Variants in ATXN10 observed in about 807,000 individuals in gnomAD.
ATXN10 encodes the protein ataxin-10.
In ATXN10, 28 loss-of-function variants were observed where a neutral mutation model predicts 52.9. The observed-to-expected ratio is 0.53, with a 90% CI of 0.39 to 0.73. The LOEUF is 0.73. Among genes scored for constraint, ATXN10 ranks in the 30% least tolerant of loss-of-function variants. The pLI is 0.00. For missense variants in ATXN10, 565 were observed against 577.0 expected (o/e 0.98, Z 0.21); for synonymous variants, 226 against 221.5 (o/e 1.02, Z -0.18).
chr22:45,793,090 CA>C, intron 9 of ATXN10: 1 of 229,696 alleles, frequency 4.4e-6, no homozygotes, highest in Non-Finnish European at 9.2e-6. Context: ...AGTTCTCCCA[CA>C]AAACCTGACA....
At chr22:45,806,932 GT>G (rs1569072805) in intron 9 of ATXN10, 26 bp from the exon 10 acceptor site, 2 of 1,583,574 alleles carry the variant, frequency 1.3e-6, no homozygotes, top group Non-Finnish European at 1.7e-6. Flanking sequence ...TGTTTTCAGT[GT>G]ATAAACTTAT....
At position 45,774,372 on chromosome 22, in the gene ATXN10, A is replaced by G. The variant is rs906868428; in HGVS notation, c.1174-32587A>G. Among the ~76,000 whole-genome samples, 1 of 152,254 alleles carries G rather than the reference A, an allele frequency of 6.6e-6. No homozygotes were observed. Among genetic ancestry groups the G allele is most frequent in the Non-Finnish European group, 1.5e-5 (1 of 68,048 alleles). ...TATTTTGGAGTGAGACAGATAATGC[A>G]GACACAGTGTGCGAGCAAGCAGTCC... On this transcript the variant is annotated intron_variant, in intron 9 of 11. Transcript: ENST00000252934. The surrounding 1 kb of genome is among the most constrained non-coding windows in gnomAD (Gnocchi z 6.2).
chr22:45,800,988 C>T (rs144437577), intron 9 of ATXN10, among the ~76,000 whole-genome samples: 1 of 152,180 alleles, frequency 6.6e-6, no homozygotes, highest in African/African-American at 2.4e-5. Flanking sequence ...TGTGCAGATG[C>T]ACTTGGCAGT....
rs1926577612 is a variant in ATXN10, at chr22:45,766,217, ACTG to A, written c.1173+25680_1173+25682del. Among the ~76,000 whole-genome samples the A allele has an allele frequency of 6.6e-6, 1 of 152,208 alleles. No individual in the cohort carries two copies. The highest frequency in any genetic ancestry group is 2.4e-5 in the African/African-American group (1 of 41,446). On this transcript the variant is annotated intron_variant, in intron 9 of 11. Transcript: ENST00000252934. This position sits in a 1 kb window ranked among gnomAD's most constrained non-coding sequence, Gnocchi z 4.6. The stretch of plus-strand genomic sequence containing the variant: ...CCCAATCCCTGGTCCGTGGACTGGT[ACTG>A]GTCCATGGCCTGTTAGGAACCAGGC...
In ATXN10 at chr22:45,835,919, CTTTTA is replaced by C. The variant is rs1929152336; in HGVS notation, c.1238-7067_1238-7063del. Among the ~76,000 whole-genome samples the C allele has an allele frequency of 6.6e-6, 1 of 152,086 alleles. No homozygotes were observed. The highest frequency in any genetic ancestry group is 2.1e-4 in the South Asian group (1 of 4,822). On this transcript the variant is annotated intron_variant, in intron 10 of 11. Transcript: ENST00000252934. This position sits in a 1 kb window ranked among gnomAD's most constrained non-coding sequence, Gnocchi z 5.0. ...AGGGTATACATACTCATGATTTTAGCTTTTATTTTTAAATGCTATTAAGGCATAAC... is the reference window on the plus strand; with the variant it reads ...AGGGTATACATACTCATGATTTTAGCTTTTTAAATGCTATTAAGGCATAAC...
chr22:45,700,307 A>G lies in ATXN10; in HGVS notation c.417A>G (p.Leu139=). The change falls in exon 4 of 12, where the codon TTA becomes TTG. Residue 139 remains leucine (L), a synonymous_variant. Transcript: ENST00000252934. ...LTAFRCGLQF[L]GNIASRNEDS... is the part of the protein sequence containing the mutation. ...CTTTTCGCTGTGGCCTGCAGTTTTT[A>G]GGCAACATTGCCTCACGGAATGAAG... 1 of 1,613,992 alleles carries G rather than the reference A, an allele frequency of 6.2e-7. No individual in the cohort carries two copies. The highest frequency in any genetic ancestry group is 8.5e-7 in the Non-Finnish European group (1 of 1,179,908).
In ATXN10 at chr22:45,843,547, T is replaced by C. The variant is rs572717449; in HGVS notation, c.1426-122T>C. The C allele has an allele frequency of 1.3e-5, 11 of 864,202 alleles. No individual in the cohort carries two copies. Among genetic ancestry groups the C allele is most frequent in the Admixed American group, 4.0e-5 (2 of 49,878 alleles). 53.5% of individuals were successfully genotyped at this position (864,202 alleles called of 1,614,324 possible). Reference sequence around the variant, plus strand: ...CTTGAATAATATTGCATGAATTGTTTTAGGTTTCTCTAAGTTATTTGTCAC... The same window carrying C: ...CTTGAATAATATTGCATGAATTGTTCTAGGTTTCTCTAAGTTATTTGTCAC... On this transcript the variant is annotated intron_variant, in intron 11 of 11. Transcript: ENST00000252934. The surrounding 1 kb of genome is among the most constrained non-coding windows in gnomAD (Gnocchi z 4.5).
chr22:45,838,013 A>G (rs1474697410), intron 10 of ATXN10, among the ~76,000 whole-genome samples: 2 of 152,234 alleles, frequency 1.3e-5, no homozygotes, highest in African/African-American at 4.8e-5. Context: ...GACTTTAAGT[A>G]GCACTGATTT....
rs1921786601 is a variant in ATXN10, at chr22:45,727,203, G to A, written c.729-2222G>A. 1.3e-5 allele frequency among the ~76,000 whole-genome samples: 2 copies of A among 152,126 alleles called. No homozygotes were observed. The highest frequency in any genetic ancestry group is 6.5e-5 in the Admixed American group (1 of 15,268). ...CATTGTTAACCCCCAAATCATGCAG[G>A]AGCAGCTTGTTTAATTTCCGTGTAT... On this transcript the variant is annotated intron_variant, in intron 6 of 11. Transcript: ENST00000252934. The surrounding 1 kb of genome is among the most constrained non-coding windows in gnomAD (Gnocchi z 4.6).
At chr22:45,691,398 A>G (rs1923370164) in intron 2 of ATXN10, among the ~76,000 whole-genome samples, 1 of 152,230 alleles carries the variant, frequency 6.6e-6, no homozygotes, top group Non-Finnish European at 1.5e-5. Flanking sequence ...TGCTTGTAGT[A>G]TCTTCTTTAA....
rs1458943300 is a variant in ATXN10, at chr22:45,762,142, A to G, written c.1173+21604A>G. The stretch of plus-strand genomic sequence containing the variant: ...CTTGTAACAATTGCAGAAAAAGTGA[A>G]AAGCTTGACATTACAGGTAGAAAGG... On this transcript the variant is annotated intron_variant, in intron 9 of 11. Transcript: ENST00000252934. The surrounding 1 kb of genome is among the most constrained non-coding windows in gnomAD (Gnocchi z 4.3). Among the ~76,000 whole-genome samples, 1 of 152,226 alleles carries G rather than the reference A, an allele frequency of 6.6e-6. No homozygotes were observed. The highest frequency in any genetic ancestry group is 1.5e-5 in the Non-Finnish European group (1 of 68,032).
chr22:45,718,736 CATT>C lies in ATXN10; in HGVS notation c.728+245_728+247del, dbSNP rs1924542515. 6.6e-6 allele frequency among the ~76,000 whole-genome samples: 1 copy of C among 152,118 alleles called. No individual in the cohort carries two copies. The highest frequency in any genetic ancestry group is 6.6e-5 in the Admixed American group (1 of 15,264). On this transcript the variant is annotated intron_variant, in intron 6 of 11. Transcript: ENST00000252934. This position sits in a 1 kb window ranked among gnomAD's most constrained non-coding sequence, Gnocchi z 4.4. ...TTCAGTAAATGCATATTAAGAAAAA[CATT>C]AAGAACAAAATATTATGCATATGCC...
At chr22:45,721,981 G>C (rs1924672324) in intron 6 of ATXN10, among the ~76,000 whole-genome samples, 2 of 152,154 alleles carry the variant, frequency 1.3e-5, no homozygotes, top group African/African-American at 4.8e-5. Flanking sequence ...TGTAAGTACT[G>C]TATTTAATCA....
rs1928592292 is a variant in ATXN10 at position 45,819,875 on chromosome 22, G to T, written c.1237+12853G>T. 6.6e-6 allele frequency among the ~76,000 whole-genome samples: 1 copy of T among 152,174 alleles called. No individual in the cohort carries two copies. The highest frequency in any genetic ancestry group is 1.5e-5 in the Non-Finnish European group (1 of 68,038). ...CATTGCCACACAGATTATATATTTT[G>T]TGAGACACTTGAGAGACTGGGTAGC... On this transcript the variant is annotated intron_variant, in intron 10 of 11. Transcript: ENST00000252934. This position sits in a 1 kb window ranked among gnomAD's most constrained non-coding sequence, Gnocchi z 4.5.
chr22:45,745,995 A>G (rs9626194), intron 9 of ATXN10, among the ~76,000 whole-genome samples: 4,515 of 152,100 alleles, frequency 0.03, 231 homozygotes, highest in African/African-American at 0.1. Flanking sequence ...GTCTTTTTTT[A>G]TGTTTGAATA....
intron 7 of ATXN10, among the ~76,000 whole-genome samples, chr22:45,730,892 C>G (rs779105670): frequency 6.6e-6 from 1 of 152,192 alleles, no homozygotes; most frequent in Non-Finnish European, 1.5e-5. Flanking sequence ...GCTCTTGATA[C>G]ATACTTCCAA....
rs1427820780 is a variant in ATXN10, at chr22:45,683,317, TCAAAAA to T, written c.117-6389_117-6384del. On this transcript the variant is annotated intron_variant, in intron 1 of 11. Coordinates refer to ENST00000252934, the MANE Select transcript of ATXN10 (RefSeq NM_013236.4). This position sits in a 1 kb window ranked among gnomAD's most constrained non-coding sequence, Gnocchi z 4.8. ...CTGGGCAACAGAGCAAAACTCTGTC[TCAAAAA>T]CAAAACGAAAAAAAGAACCTTCCAT... Among the ~76,000 whole-genome samples the T allele has an allele frequency of 6.6e-6, 1 of 152,148 alleles. No individual in the cohort carries two copies. Among genetic ancestry groups the T allele is most frequent in the East Asian group, 1.9e-4 (1 of 5,192 alleles).
chr22:45,812,656 A>G (rs1928320950), intron 10 of ATXN10, among the ~76,000 whole-genome samples: 1 of 152,254 alleles, frequency 6.6e-6, no homozygotes, highest in South Asian at 2.1e-4. Context: ...TGTGTTAAAA[A>G]GCAATAGATA....
At chr22:45,803,778 CA>C (rs1928008157) in intron 9 of ATXN10, among the ~76,000 whole-genome samples, 1 of 152,074 alleles carries the variant, frequency 6.6e-6, no homozygotes, top group Admixed American at 6.5e-5. Context: ...AGACGTGGGG[CA>C]GGTTATCAGA....
Sources: gnomAD v4.1 joint callset for allele counts (sites outside exome capture counted in the v4.1 genomes callset) on GRCh38, gnomAD v4.1.1 for gene constraint, Gnocchi (gnomAD v3.1) non-coding constraint, MANE v1.5 for transcripts, NCBI Gene and HGNC (gene_info 2026-07-23, HGNC 2026-07-21) for gene names.